SEMA5A: variants seen among roughly 807,000 people sequenced by gnomAD.
The protein encoded by SEMA5A is semaphorin-5A.
SEMA5A carries 55 observed loss-of-function variants against 135.5 expected under a neutral mutation model. That is an observed-to-expected ratio of 0.41 (90% confidence interval 0.33 to 0.51). The LOEUF is 0.51. Ranked by LOEUF, SEMA5A falls within the 20% of genes least tolerant of loss-of-function variation. The pLI is 0.37. For synonymous variants in SEMA5A, 580 were observed against 546.5 expected, an observed-to-expected ratio of 1.06 and a Z score of -0.85; for missense variants, 1,290 against 1,419.9, an observed-to-expected ratio of 0.91 and a Z score of 1.47.
intron 3 of SEMA5A, among the ~76,000 whole-genome samples, chr5:9,366,814 T>C (rs1201427999): frequency 6.6e-6 from 1 of 152,224 alleles, no homozygotes; most frequent in Non-Finnish European, 1.5e-5. Flanking sequence ...AGCAATAGAA[T>C]CAATGTGGTA....
At chr5:9,391,162 A>G (rs1424131147) in intron 2 of SEMA5A, among the ~76,000 whole-genome samples, 1 of 152,182 alleles carries the variant, frequency 6.6e-6, no homozygotes, top group East Asian at 1.9e-4. Context: ...CGGGCCTGAA[A>G]ATGTGTTTTC....
chr5:9,201,353 A>T lies in SEMA5A; in HGVS notation c.932+602T>A, dbSNP rs567952696. On this transcript the variant is annotated intron_variant, in intron 9 of 22. Coordinates refer to ENST00000382496, the MANE Select transcript of SEMA5A (RefSeq NM_003966.3). ...ACAGCCGAAATATTGTTCATTCTAA[A>T]GTTAGGAGTATCTCCCTGTCCCACC... 3.3e-5 allele frequency among the ~76,000 whole-genome samples: 5 copies of T among 152,358 alleles called. No homozygotes were observed. In the East Asian group the frequency reaches 7.7e-4, roughly 24 times the overall value.
intron 10 of SEMA5A, among the ~76,000 whole-genome samples, chr5:9,196,315 T>TG (rs1745382385): frequency 6.6e-6 from 1 of 152,138 alleles, no homozygotes; most frequent in Non-Finnish European, 1.5e-5. Context: ...CCAGTGGAGC[T>TG]GGTGCCCTTA....
intron 2 of SEMA5A, among the ~76,000 whole-genome samples, chr5:9,405,271 A>C (rs754750172): frequency 6.6e-6 from 1 of 152,206 alleles, no homozygotes; most frequent in Non-Finnish European, 1.5e-5. Flanking sequence ...TTCCCCAGGA[A>C]TCTCACCATT....
intron 1 of SEMA5A, among the ~76,000 whole-genome samples, chr5:9,444,160 T>A (rs1477842022): frequency 1.3e-5 from 2 of 151,756 alleles, no homozygotes; most frequent in Non-Finnish European, 2.9e-5. Flanking sequence ...CACTTAAATT[T>A]TTTTTTAGTT....
At chr5:9,199,399 C>T (rs1341445527) in intron 9 of SEMA5A, among the ~76,000 whole-genome samples, 1 of 152,082 alleles carries the variant, frequency 6.6e-6, no homozygotes, top group Non-Finnish European at 1.5e-5. Flanking sequence ...TGTGTGACTC[C>T]ACTGTGCTCC....
chr5:9,346,922 A>G (rs1164264488), intron 3 of SEMA5A, among the ~76,000 whole-genome samples: 2 of 151,328 alleles, frequency 1.3e-5, no homozygotes, highest in African/African-American at 2.5e-5. Context: ...GTGTATATAT[A>G]TATATATGTA....
intron 5 of SEMA5A, among the ~76,000 whole-genome samples, chr5:9,292,991 G>A (rs1425961258): frequency 3.9e-5 from 6 of 152,178 alleles, no homozygotes; most frequent in Non-Finnish European, 7.3e-5. Context: ...ACCCTGATGC[G>A]AAACGTGATC....
At chr5:9,227,962 G>A (rs965928281) in intron 6 of SEMA5A, among the ~76,000 whole-genome samples, 4 of 152,208 alleles carry the variant, frequency 2.6e-5, no homozygotes, top group Non-Finnish European at 1.5e-5. Flanking sequence ...CAAGAATGGA[G>A]TACTTTTTGT....
At chr5:9,300,041 G>A (rs1442231035) in intron 5 of SEMA5A, among the ~76,000 whole-genome samples, 1 of 151,848 alleles carries the variant, frequency 6.6e-6, no homozygotes, top group East Asian at 1.9e-4. Context: ...TCACTTTTTT[G>A]GGGGGCGGGG....
At chr5:9,257,996 A>C (rs1474685158) in intron 5 of SEMA5A, among the ~76,000 whole-genome samples, 2 of 152,186 alleles carry the variant, frequency 1.3e-5, no homozygotes, top group Admixed American at 1.3e-4. Context: ...ACACCCTACA[A>C]CTAGCTGCCA....
chr5:9,227,675 C>T (rs1407850630), intron 6 of SEMA5A, among the ~76,000 whole-genome samples: 4 of 151,916 alleles, frequency 2.6e-5, no homozygotes, highest in South Asian at 2.1e-4. Context: ...CTCAGCCTCC[C>T]GAGTAGCTGG....
intron 1 of SEMA5A, among the ~76,000 whole-genome samples, chr5:9,482,872 T>A: frequency 6.6e-6 from 1 of 152,214 alleles, no homozygotes; most frequent in East Asian, 1.9e-4. Context: ...ACTTTCCTGA[T>A]CATTTAGTCT....
At chr5:9,228,756 G>A (rs947417924) in intron 6 of SEMA5A, among the ~76,000 whole-genome samples, 1 of 152,224 alleles carries the variant, frequency 6.6e-6, no homozygotes, top group African/African-American at 2.4e-5. Flanking sequence ...GCGAATGAAT[G>A]ACGCACGAGG....
chr5:9,494,601 C>G (rs372156926), intron 1 of SEMA5A, among the ~76,000 whole-genome samples: 10 of 142,100 alleles, frequency 7.0e-5, no homozygotes, highest in East Asian at 4.9e-4. Context: ...CAAATCCCCC[C>G]CTTCAATGCC....
chr5:9,151,557 GTTAT>G (rs1489368623), intron 12 of SEMA5A, among the ~76,000 whole-genome samples: 1 of 152,012 alleles, frequency 6.6e-6, no homozygotes, highest in African/African-American at 2.4e-5. Context: ...TGTTTGTGCA[GTTAT>G]TTTTTTTTAA....
At position 9,424,261 on chromosome 5, in the gene SEMA5A, G is replaced by A. The variant is rs567975807; in HGVS notation, c.-78+13495C>T. Among the ~76,000 whole-genome samples, 10 of 152,304 alleles carry A rather than the reference G, an allele frequency of 6.6e-5. 1 individual carries two copies. In the South Asian group the frequency reaches 2.1e-3, roughly 32 times the overall value. On this transcript the variant is annotated intron_variant, in intron 2 of 22. Coordinates refer to ENST00000382496, the MANE Select transcript of SEMA5A (RefSeq NM_003966.3). ...TGATCTTATTTCCTATAGCCAGAAT[G>A]GCATTTGACGATACAACAGTGGAGA...
intron 5 of SEMA5A, among the ~76,000 whole-genome samples, chr5:9,249,556 T>C (rs937750229): frequency 3.3e-5 from 5 of 152,198 alleles, no homozygotes; most frequent in African/African-American, 1.2e-4. Flanking sequence ...ATTGTTAATA[T>C]GTCTTTTGTT....
intron 18 of SEMA5A, among the ~76,000 whole-genome samples, chr5:9,060,346 A>T (rs1193934902): frequency 6.6e-6 from 1 of 152,168 alleles, no homozygotes; most frequent in Non-Finnish European, 1.5e-5. Flanking sequence ...GACCCTTTGT[A>T]CTTGTGCACT....
Sources: allele counts gnomAD v4.1 joint callset (sites outside exome capture counted in the v4.1 genomes callset), GRCh38; gene constraint gnomAD v4.1.1; transcripts MANE v1.5; gene names NCBI Gene and HGNC (gene_info 2026-07-23, HGNC 2026-07-21).